BAZ2A: variants seen among roughly 807,000 people sequenced by gnomAD.
BAZ2A encodes the protein bromodomain adjacent to zinc finger domain 2A, also known as bromodomain adjacent to zinc finger domain protein 2A.
BAZ2A carries 34 observed loss-of-function variants against 199.9 expected under a neutral mutation model. The observed-to-expected ratio is 0.17, with a 90% CI of 0.13 to 0.23. The LOEUF (loss-of-function observed/expected upper bound fraction) is 0.23. BAZ2A is among the 10% of genes least tolerant of loss of function. BAZ2A has a pLI of 1.00. For missense variants in BAZ2A, 2,002 were observed against 2,391.1 expected, an observed-to-expected ratio of 0.84 and a Z score of 3.39; for synonymous variants, 857 against 883.9, an observed-to-expected ratio of 0.97 and a Z score of 0.54.
At chr12:56,617,000 T>C (rs17118865) in intron 2 of BAZ2A, among the ~76,000 whole-genome samples, 1 of 152,152 alleles carries the variant, frequency 6.6e-6, no homozygotes, top group Non-Finnish European at 1.5e-5. Flanking sequence ...CTTTCTCTGA[T>C]GTACAAACTA....
At chr12:56,631,180 C>T (rs1191313553), upstream of BAZ2A, among the ~76,000 whole-genome samples, 1 of 152,032 alleles carries the variant, frequency 6.6e-6, no homozygotes, top group Non-Finnish European at 1.5e-5. Flanking sequence ...AGGCCGGACG[C>T]GGTGGCTCAC....
chr12:56,623,096 C>T (rs1446336502), intron 1 of BAZ2A, among the ~76,000 whole-genome samples: 3 of 151,968 alleles, frequency 2.0e-5, no homozygotes, highest in East Asian at 1.9e-4. Context: ...ATTAGCCAGG[C>T]GTGGTGGCGG....
At chr12:56,608,056 A>G in intron 10 of BAZ2A, among the ~76,000 whole-genome samples, 1 of 149,806 alleles carries the variant, frequency 6.7e-6, no homozygotes, top group East Asian at 2.0e-4. Context: ...CCTGGGCAAC[A>G]AGAGCAAAAC....
At chr12:56,615,675 A>C (rs1410068221) in intron 2 of BAZ2A, 68 bp from the exon 3 acceptor site, 2 of 1,201,182 alleles carry the variant, frequency 1.7e-6, no homozygotes, top group Admixed American at 2.6e-5. Context: ...AAACAAACTC[A>C]AAGTAATAGC....
chr12:56,620,873 G>A (rs558236598), intron 1 of BAZ2A, among the ~76,000 whole-genome samples: 138 of 152,138 alleles, frequency 9.1e-4, no homozygotes, highest in South Asian at 3.7e-3. Flanking sequence ...GATTTCCCTA[G>A]TATAGTTAAC....
chr12:56,607,661 G>A (rs1030472616), intron 10 of BAZ2A, among the ~76,000 whole-genome samples: 4 of 152,128 alleles, frequency 2.6e-5, no homozygotes, highest in African/African-American at 9.7e-5. Context: ...GTGAGCCACC[G>A]TGCCTGGCCC....
In BAZ2A at chr12:56,597,818, C is replaced by CT. The variant is rs1885986010; in HGVS notation, c.*799dup. 6.5e-6 allele frequency: 1 copy of CT among 152,680 alleles called. No homozygotes were observed. Among genetic ancestry groups the CT allele is most frequent in the Admixed American group, 6.5e-5 (1 of 15,272 alleles). The allele number at this position is 152,680 out of a possible 1,614,324, so 9.5% of individuals were successfully genotyped here. On this transcript the variant is annotated 3_prime_UTR_variant, in exon 29 of 29. Coordinates refer to ENST00000549884, the MANE Select transcript of BAZ2A (RefSeq NM_001300905.2). ...AGGCTGGAAGGCCCAGGAAGCCTCC[C>CT]TGCCCTCTCCCCAGCTACTGAGTTT...
At chr12:56,635,153 G>A, upstream of BAZ2A, 1 of 592,478 alleles carries the variant, frequency 1.7e-6, no homozygotes, top group Non-Finnish European at 2.1e-6. The surrounding 1 kb of genome is among the most constrained non-coding windows in gnomAD (Gnocchi z 4.1). Context: ...GATAGCGGGT[G>A]GCGTCTCCTA....
At chr12:56,634,616 A>G (rs999351774), upstream of BAZ2A, among the ~76,000 whole-genome samples, 7 of 152,038 alleles carry the variant, frequency 4.6e-5, no homozygotes, top group Admixed American at 6.5e-5. Context: ...AAGGCGTGGG[A>G]AAGCGCTAGT....
chr12:56,627,963 C>T (rs1374311605), intron 1 of BAZ2A, among the ~76,000 whole-genome samples: 1 of 151,500 alleles, frequency 6.6e-6, no homozygotes, highest in African/African-American at 2.4e-5. Context: ...GGGTAGATCA[C>T]CTGAGGTCAG....
rs756323920 is a variant in BAZ2A at position 56,598,743 on chromosome 12, C to A, written c.5587G>T (p.Val1863Leu). The change falls in exon 29 of 29, where the codon GTA becomes TTA. Residue 1863 changes from valine (V) to leucine (L), a missense_variant. This residue lies in a region of BAZ2A where 76 missense variants were observed against 139.3 expected (regional missense o/e 0.55). Transcript: ENST00000549884. Reference protein sequence around the residue: ...SEEFAADALLVFDNCQTFNED... With the variant: ...SEEFAADALLLFDNCQTFNED... Reference sequence around the variant, plus strand: ...TTGAAAGTCTGGCAGTTGTCAAATACCAGGAGGGCATCAGCCGCAAACTCC... The same window carrying A: ...TTGAAAGTCTGGCAGTTGTCAAATAACAGGAGGGCATCAGCCGCAAACTCC... The A allele has an allele frequency of 1.2e-6, 2 of 1,612,940 alleles. No homozygotes were observed. Among genetic ancestry groups the A allele is most frequent in the Non-Finnish European group, 1.7e-6 (2 of 1,179,522 alleles).
intron 1 of BAZ2A, among the ~76,000 whole-genome samples, chr12:56,628,237 AG>A (rs1951176585): frequency 6.6e-6 from 1 of 151,660 alleles, no homozygotes; most frequent in Non-Finnish European, 1.5e-5. Flanking sequence ...AAGAAAAGAA[AG>A]AAAAATAAAA....
chr12:56,627,545 C>A (rs536707438), intron 1 of BAZ2A, among the ~76,000 whole-genome samples: 29 of 151,520 alleles, frequency 1.9e-4, no homozygotes, highest in African/African-American at 6.0e-4. Flanking sequence ...GGGTCATAGG[C>A]CGGGCATGGT....
intron 15 of BAZ2A, 60 bp downstream of exon 15, chr12:56,604,525 G>A: frequency 6.7e-7 from 1 of 1,494,556 alleles, no homozygotes. Context: ...AAGGCTACAA[G>A]TCCTCCACCC....
At chr12:56,630,841 C>T (rs901512138), upstream of BAZ2A, 1 of 985,504 alleles carries the variant, frequency 1.0e-6, no homozygotes, top group Non-Finnish European at 1.2e-6. Flanking sequence ...TCTGCAGGGC[C>T]CTGGTCACCG....
chr12:56,604,184 T>G lies in BAZ2A; in HGVS notation c.3038+33A>C, dbSNP rs1395960407. On this transcript the variant is annotated intron_variant, in intron 16 of 28. Transcript: ENST00000549884. ...TGCTTCACCCGCCCCACTTCTCTCC[T>G]CTCTGAGGCTCTACTCTCTGTCTGG... 44 of 1,573,330 alleles carry G rather than the reference T, an allele frequency of 2.8e-5. No homozygotes were observed. In the Admixed American group the frequency reaches 7.9e-4, roughly 28 times the overall value.
rs1267480535 is a variant in BAZ2A, at chr12:56,599,784, C to T, written c.5090G>A (p.Arg1697His). 11 of 1,613,996 alleles carry T rather than the reference C, an allele frequency of 6.8e-6. No individual in the cohort carries two copies. The highest frequency in any genetic ancestry group is 2.2e-5 in the East Asian group (1 of 44,888). ...ACGATGGCAGTAAATGTGGCAGCCA[C>T]GGTCACACCCATCACAAAGCAGAAG... Reference protein sequence around the residue: ...EFLLLCDGCDRGCHIYCHRPK... With the variant: ...EFLLLCDGCDHGCHIYCHRPK... Residue 1697 changes from arginine to histidine, a missense_variant, in exon 26 of 29, where the codon CGT (arginine) becomes CAT (histidine). Physicochemically the swap from Arg to His is conservative, Grantham distance 29. Around this residue, in one of 6 missense-constraint regions of BAZ2A, gnomAD observed 8 missense variants for 33.4 expected, o/e 0.24. Coordinates refer to ENST00000549884, the MANE Select transcript of BAZ2A (RefSeq NM_001300905.2).
chr12:56,604,833 G>C (rs1431421050), intron 14 of BAZ2A, 34 bp from the exon 15 acceptor site: 8 of 1,597,746 alleles, frequency 5.0e-6, no homozygotes, highest in Non-Finnish European at 6.8e-6. Flanking sequence ...GGGTGAGTAG[G>C]GAAAGATGCA....
chr12:56,608,810 C>T (rs1185712361), intron 10 of BAZ2A, among the ~76,000 whole-genome samples: 1 of 149,808 alleles, frequency 6.7e-6, no homozygotes, highest in Non-Finnish European at 1.5e-5. Context: ...CTCAGGTGAT[C>T]TGCCCTCCTC....
Sources: gnomAD v4.1 joint callset for allele counts (sites outside exome capture counted in the v4.1 genomes callset) on GRCh38, gnomAD v4.1.1 for gene constraint, gnomAD v4.1.1 regional missense constraint, Gnocchi (gnomAD v3.1) non-coding constraint, MANE v1.5 for transcripts, NCBI Gene and HGNC (gene_info 2026-07-23, HGNC 2026-07-21) for gene names.